Variants in MMAB observed in about 807,000 individuals in gnomAD.
MMAB encodes the protein corrinoid adenosyltransferase MMAB.
A neutral mutation model predicts 30.6 loss-of-function variants in MMAB; 17 were observed. The ratio of observed to expected loss-of-function variants is 0.56; its 90% CI spans 0.38 to 0.83. The LOEUF (loss-of-function observed/expected upper bound fraction) is 0.83, where lower values mean the gene tolerates loss of function less well. Among genes scored for constraint, MMAB ranks in the 40% least tolerant of loss-of-function variants. The pLI, the probability that MMAB is intolerant of heterozygous loss-of-function variation, is 0.00. For missense variants in MMAB, 311 were observed against 331.6 expected (o/e 0.94, Z 0.48); for synonymous variants, 134 against 138.6 (o/e 0.97, Z 0.23).
At chr12:109,573,138 C>G in intron 1 of MMAB, 2 of 653,568 alleles carry the variant, frequency 3.1e-6, no homozygotes, top group Non-Finnish European at 5.4e-6. Context: ...CTGCCCTGCC[C>G]GATGATAGCG....
intron 3 of MMAB, among the ~76,000 whole-genome samples, chr12:109,567,534 C>T (rs1378964109): frequency 6.6e-6 from 1 of 152,164 alleles, no homozygotes; most frequent in Non-Finnish European, 1.5e-5. Context: ...CTCCTGCTTG[C>T]AAATATTTGC....
rs1001110548 is a variant in MMAB at position 109,556,203 on chromosome 12, C to T, written c.*825G>A. ...AGAGGCATAAGCCAGCCAAGTGCAA[C>T]ATCGGAGAAATCAGTCTGGTGGATG... is the stretch of plus-strand genomic sequence containing the variant. On this transcript the variant is annotated 3_prime_UTR_variant, in exon 9 of 9. Transcript: ENST00000545712. 1 of 454,112 alleles carries T rather than the reference C, an allele frequency of 2.2e-6. No homozygotes were observed. The highest frequency in any genetic ancestry group is 6.9e-4 in the Middle Eastern group (1 of 1,444). The allele number at this position is 454,112 out of a possible 1,614,324, so 28.1% of individuals were successfully genotyped here.
chr12:109,567,315 G>T, intron 3 of MMAB: 1 of 323,360 alleles, frequency 3.1e-6, no homozygotes, highest in Non-Finnish European at 6.1e-6. Context: ...CTACTTGACA[G>T]AACCGTAAAC....
At position 109,562,227 on chromosome 12, in the gene MMAB, G is replaced by A. The variant is rs1301441039; in HGVS notation, c.349-375C>T. ...TGTACCTGCTTCCCCTTTGCCTTCC[G>A]CCATGACTGTAGGTTTCCTGAGGCC... On this transcript the variant is annotated intron_variant, in intron 4 of 8. Transcript: ENST00000545712. 5.3e-5 allele frequency among the ~76,000 whole-genome samples: 8 copies of A among 152,102 alleles called. No individual in the cohort carries two copies. The South Asian group carries it at 6.2e-4, about 12-fold the overall frequency.
chr12:109,565,006 G>A (rs1403255735), intron 4 of MMAB, 113 bp downstream of exon 4: 7 of 851,936 alleles, frequency 8.2e-6, no homozygotes, highest in Admixed American at 5.1e-5. Flanking sequence ...AGCTCACAGA[G>A]GGAGAGTAAC....
chr12:109,566,337 G>T (rs1884427080), intron 3 of MMAB, among the ~76,000 whole-genome samples: 1 of 152,248 alleles, frequency 6.6e-6, no homozygotes, highest in Non-Finnish European at 1.5e-5. Context: ...GGATTTGAAA[G>T]GGCCAATGGA....
rs2287182 is a variant in MMAB at position 109,559,359 on chromosome 12, C to T, written c.585-204G>A. ...CCCTTTCCACCAGCACATCGCAGGA[C>T]GGCCTGGCCAAGGAGGGATCAAGGA... On this transcript the variant is annotated intron_variant, in intron 7 of 8. Transcript: ENST00000545712. Among the ~76,000 whole-genome samples the T allele has an allele frequency of 0.11, 16,725 of 152,228 alleles. 1,076 individuals are homozygous for T. The highest frequency in any genetic ancestry group is 0.17 in the African/African-American group (7,033 of 41,530).
chr12:109,561,892 G>C lies in MMAB; in HGVS notation c.349-40C>G, dbSNP rs1884227304. On this transcript the variant is annotated intron_variant, in intron 4 of 8. Coordinates refer to ENST00000545712, the MANE Select transcript of MMAB (RefSeq NM_052845.4). This position sits in a 1 kb window ranked among gnomAD's most constrained non-coding sequence, Gnocchi z 5.3. ...AAAGTGACAGTCAAGATCTATGTGA[G>C]ATGGGCTGGACAGAGACAATGTGCA... The C allele has an allele frequency of 6.4e-7, 1 of 1,556,026 alleles. No individual in the cohort carries two copies. Among genetic ancestry groups the C allele is most frequent in the African/African-American group, 1.4e-5 (1 of 73,678 alleles).
At position 109,573,415 on chromosome 12, in the gene MMAB, G is replaced by C. The variant is rs765869812; in HGVS notation, c.66C>G (p.Phe22Leu). The part of the protein sequence containing the change: ...LGSRLGLRGC[F>L]GAARLLYPRF... ...GGGGATACAGGAGCCTGGCGGCGCC[G>C]AAGCACCCGCGCAGGCCAAGACGGC... Residue 22 changes from phenylalanine to leucine, a missense_variant, in exon 1 of 9, where the codon TTC becomes TTG. Physicochemically the swap from Phe to Leu is conservative, Grantham distance 22. Transcript: ENST00000545712. 5.6e-6 allele frequency: 9 copies of C among 1,610,022 alleles called. No homozygotes were observed. In the Admixed American group the frequency reaches 1.3e-4, roughly 24 times the overall value.
At chr12:109,572,632 T>C (rs756222104) in intron 1 of MMAB, among the ~76,000 whole-genome samples, 12 of 151,868 alleles carry the variant, frequency 7.9e-5, no homozygotes, top group Non-Finnish European at 1.2e-4. Context: ...CATAGCTCAC[T>C]GCAGCCTTGA....
Position 109,561,606 on chromosome 12 carries a change from G to C in MMAB, c.422-89C>G, listed in dbSNP as rs925885009. The C allele has an allele frequency of 1.2e-5, 16 of 1,286,690 alleles. No individual in the cohort carries two copies. Among genetic ancestry groups the C allele is most frequent in the African/African-American group, 7.4e-5 (5 of 67,964 alleles). The allele number at this position is 1,286,690 out of a possible 1,614,324, so 79.7% of individuals were successfully genotyped here. ...CCACCCCCGCCGCCCTTCCACCTGG[G>C]TGTCCCGCAGACTGCTTCCACTGGC... On this transcript the variant is annotated intron_variant, in intron 5 of 8. Coordinates refer to ENST00000545712, the MANE Select transcript of MMAB (RefSeq NM_052845.4). The surrounding 1 kb of genome is among the most constrained non-coding windows in gnomAD (Gnocchi z 5.3).
In MMAB at chr12:109,571,820, C is replaced by T. The variant is rs181468411; in HGVS notation, c.135-110G>A. ...CTTGTAACCTCAGAGGCAGCACTTA[C>T]CCCTTACTGCTTAGATGGTCATCTC... On this transcript the variant is annotated intron_variant, in intron 1 of 8. Coordinates refer to ENST00000545712, the MANE Select transcript of MMAB (RefSeq NM_052845.4). The T allele has an allele frequency of 5.6e-4, 466 of 828,496 alleles. 4 individuals carry two copies. The African/African-American group carries it at 6.5e-3, about 12-fold the overall frequency. The allele number at this position is 828,496 out of a possible 1,614,324, so 51.3% of individuals were successfully genotyped here. A position where few individuals can be genotyped will look rare whatever the true frequency, so the allele number is the denominator to read the frequency against.
At chr12:109,562,327 G>C (rs1884243492) in intron 4 of MMAB, among the ~76,000 whole-genome samples, 2 of 152,204 alleles carry the variant, frequency 1.3e-5, no homozygotes, top group Admixed American at 1.3e-4. Context: ...AAATTATCCG[G>C]TCTCAGGTAG....
At chr12:109,565,312 C>A in intron 3 of MMAB, 136 bp from the exon 4 acceptor site, 1 of 746,228 alleles carries the variant, frequency 1.3e-6, no homozygotes, top group East Asian at 2.5e-5. Context: ...TTCTTGCTAA[C>A]AATAAGAACA....
rs1883956274 is a variant in MMAB, at chr12:109,555,948, C to T, written c.*1080G>A. ...CAGCCACTCAGTCAATATGTGATGGCTGAATGGAGTTCGCCAGGCATTTCA... is the reference window on the plus strand; with the variant it reads ...CAGCCACTCAGTCAATATGTGATGGTTGAATGGAGTTCGCCAGGCATTTCA... On this transcript the variant is annotated 3_prime_UTR_variant, in exon 9 of 9. Coordinates refer to ENST00000545712, the MANE Select transcript of MMAB (RefSeq NM_052845.4). 2.2e-6 allele frequency: 1 copy of T among 454,006 alleles called. No individual in the cohort carries two copies. The highest frequency in any genetic ancestry group is 4.4e-6 in the Non-Finnish European group (1 of 226,694). The allele number at this position is 454,006 out of a possible 1,614,324, so 28.1% of individuals were successfully genotyped here. A position where few individuals can be genotyped will look rare whatever the true frequency, so the allele number is the denominator to read the frequency against.
rs1185110262 is a variant in MMAB, at chr12:109,561,378, C to T, written c.519+42G>A. ...GAGCCCATGTGTGTCTGTCACTGAA[C>T]CTGCCTGCAGCCGCCCCCGGTTAAG... On this transcript the variant is annotated intron_variant, in intron 6 of 8. Coordinates refer to ENST00000545712, the MANE Select transcript of MMAB (RefSeq NM_052845.4). The surrounding 1 kb of genome is among the most constrained non-coding windows in gnomAD (Gnocchi z 5.3). 6.5e-7 allele frequency: 1 copy of T among 1,546,424 alleles called. No individual in the cohort carries two copies. The highest frequency in any genetic ancestry group is 8.7e-7 in the Non-Finnish European group (1 of 1,145,526).
Position 109,558,072 on chromosome 12 carries a change from A to G in MMAB, c.645-936T>C, listed in dbSNP as rs1228188025. Reference sequence around the variant, plus strand: ...TCTTGCCCTCAGAGGCCAGCTCCACACCACATCCTCCTGAGTCCTCCCCTG... The same window carrying G: ...TCTTGCCCTCAGAGGCCAGCTCCACGCCACATCCTCCTGAGTCCTCCCCTG... On this transcript the variant is annotated intron_variant, in intron 8 of 8. Coordinates refer to ENST00000545712, the MANE Select transcript of MMAB (RefSeq NM_052845.4). This position sits in a 1 kb window ranked among gnomAD's most constrained non-coding sequence, Gnocchi z 4.3. 1.3e-5 allele frequency among the ~76,000 whole-genome samples: 2 copies of G among 151,894 alleles called. No individual in the cohort carries two copies. Among genetic ancestry groups the G allele is most frequent in the Non-Finnish European group, 2.9e-5 (2 of 67,952 alleles).
At chr12:109,570,907 A>G (rs1395213619) in intron 2 of MMAB, among the ~76,000 whole-genome samples, 4 of 150,948 alleles carry the variant, frequency 2.6e-5, no homozygotes, top group African/African-American at 9.7e-5. Flanking sequence ...ATAGCAACGC[A>G]TTCTTCTGCA....
intron 4 of MMAB, among the ~76,000 whole-genome samples, chr12:109,563,456 TC>T (rs778604380): frequency 5.3e-5 from 8 of 152,162 alleles, no homozygotes; most frequent in Non-Finnish European, 1.2e-4. Flanking sequence ...CAGGCGGGGC[TC>T]CCAGGTGAAC....
Sources: gnomAD v4.1 joint callset for allele counts (sites outside exome capture counted in the v4.1 genomes callset) on GRCh38, gnomAD v4.1.1 for gene constraint, Gnocchi (gnomAD v3.1) non-coding constraint, MANE v1.5 for transcripts, NCBI Gene and HGNC (gene_info 2026-07-23, HGNC 2026-07-21) for gene names.